B3GALT1: variants seen among roughly 807,000 people sequenced by gnomAD.
B3GALT1 encodes beta-1,3-galactosyltransferase 1.
Under a neutral mutation model 23.2 loss-of-function variants are expected in B3GALT1, and 10 were observed. That is an observed-to-expected ratio of 0.43 (90% CI 0.27 to 0.73). The LOEUF (loss-of-function observed/expected upper bound fraction) is 0.73. Among genes scored for constraint, B3GALT1 ranks in the 30% least tolerant of loss-of-function variants. B3GALT1 has a pLI of 0.21. For synonymous variants in B3GALT1, 156 were observed against 141.5 expected (o/e 1.10, Z -0.73); for missense variants, 299 against 405.4 (o/e 0.74, Z 2.25).
chr2:167,769,749 C>T (rs1688040444), intron 3 of B3GALT1, among the ~76,000 whole-genome samples: 1 of 152,104 alleles, frequency 6.6e-6, no homozygotes, highest in Admixed American at 6.5e-5. Context: ...TCATTAGCTC[C>T]TTTTTATTTC....
intron 1 of B3GALT1, among the ~76,000 whole-genome samples, chr2:167,326,085 CTGT>C (rs1559066261): frequency 2.2e-5 from 1 of 46,432 alleles, no homozygotes; most frequent in Non-Finnish European, 1.0e-4. Context: ...TCACCAATAT[CTGT>C]TTTTTTTTTT....
intron 4 of B3GALT1, among the ~76,000 whole-genome samples, chr2:167,866,859 T>C (rs1345980601): frequency 6.6e-6 from 1 of 152,220 alleles, no homozygotes; most frequent in East Asian, 1.9e-4. Context: ...TGCTTTCTAG[T>C]ACCATCTTGG....
chr2:167,397,215 C>CCT (rs907727531), intron 1 of B3GALT1, among the ~76,000 whole-genome samples: 13 of 150,982 alleles, frequency 8.6e-5, no homozygotes, highest in Non-Finnish European at 1.6e-4. Flanking sequence ...TTCATTCTTC[C>CCT]CTCTCTCTCC....
chr2:167,411,372 AAAAACC>A (rs1323042629), intron 1 of B3GALT1, among the ~76,000 whole-genome samples: 4 of 31,600 alleles, frequency 1.3e-4, no homozygotes, highest in African/African-American at 1.4e-4. Context: ...ATAGCAAACA[AAAAACC>A]AAAAAAAAAA....
chr2:167,676,516 T>TACACACACAC lies in B3GALT1; in HGVS notation c.-352+29580_-352+29589dup, dbSNP rs34764364. ...ACACATGCACACACGTGTATGTTTA[T>TACACACACAC]ACACACACACACACACACACACACA... On this transcript the variant is annotated intron_variant, in intron 3 of 4. Coordinates refer to ENST00000392690, the MANE Select transcript of B3GALT1 (RefSeq NM_020981.4). 8.7e-3 allele frequency among the ~76,000 whole-genome samples: 1,256 copies of TACACACACAC among 145,162 alleles called. 6 individuals carry two copies. The highest frequency in any genetic ancestry group is 0.013 in the Non-Finnish European group (863 of 66,356).
intron 1 of B3GALT1, among the ~76,000 whole-genome samples, chr2:167,339,711 T>G (rs1345397222): frequency 4.0e-5 from 6 of 151,820 alleles, no homozygotes; most frequent in African/African-American, 1.5e-4. Context: ...CAATATAAGC[T>G]TCCCATTTCG....
intron 2 of B3GALT1, among the ~76,000 whole-genome samples, chr2:167,539,156 C>T (rs919025985): frequency 1.3e-5 from 2 of 151,974 alleles, no homozygotes; most frequent in Admixed American, 6.6e-5. Context: ...TTTCCTTAAA[C>T]TCATATGAAT....
intron 2 of B3GALT1, among the ~76,000 whole-genome samples, chr2:167,537,565 C>T (rs1438163834): frequency 4.6e-5 from 7 of 152,234 alleles, no homozygotes; most frequent in South Asian, 2.1e-4. Flanking sequence ...CAATAATCCA[C>T]GTAGATGCTG....
chr2:167,649,943 C>T (rs1005855720), intron 3 of B3GALT1, among the ~76,000 whole-genome samples: 3 of 151,946 alleles, frequency 2.0e-5, no homozygotes, highest in Admixed American at 1.3e-4. Context: ...CTAGAATTTA[C>T]AATACAATGT....
At chr2:167,581,525 A>G (rs1040307525) in intron 2 of B3GALT1, among the ~76,000 whole-genome samples, 1 of 152,224 alleles carries the variant, frequency 6.6e-6, no homozygotes, top group African/African-American at 2.4e-5. Flanking sequence ...CTGTTGCTTT[A>G]AAACACTTCT....
intron 3 of B3GALT1, among the ~76,000 whole-genome samples, chr2:167,671,443 T>C (rs1021885424): frequency 2.0e-5 from 3 of 152,144 alleles, no homozygotes; most frequent in East Asian, 1.9e-4. Context: ...TTTAAGAAGA[T>C]TGAAATCATA....
chr2:167,525,023 G>A (rs1683197292), intron 2 of B3GALT1, among the ~76,000 whole-genome samples: 1 of 152,182 alleles, frequency 6.6e-6, no homozygotes, highest in Non-Finnish European at 1.5e-5. Flanking sequence ...ATGTGCACAT[G>A]CCATTTCCCA....
chr2:167,698,480 C>T (rs116078093), intron 3 of B3GALT1, among the ~76,000 whole-genome samples: 2,358 of 152,160 alleles, frequency 0.015, 51 homozygotes, highest in African/African-American at 0.052. Context: ...CAAATGATCA[C>T]GGCAATTCAA....
At chr2:167,774,472 G>GTTTTTTTTTTTTTTTTT (rs796649898) in intron 3 of B3GALT1, among the ~76,000 whole-genome samples, 1 of 111,932 alleles carries the variant, frequency 8.9e-6, no homozygotes, top group Non-Finnish European at 1.8e-5. Context: ...GTGTTTATTG[G>GTTTTTTTTTTTTTTTTT]TTTTTTTTTT....
intron 1 of B3GALT1, among the ~76,000 whole-genome samples, chr2:167,409,007 A>T (rs147792924): frequency 2.8e-3 from 426 of 152,306 alleles, no homozygotes; most frequent in African/African-American, 9.6e-3. Context: ...TATTTACAGA[A>T]ATAGAAAAAG....
intron 4 of B3GALT1, among the ~76,000 whole-genome samples, chr2:167,846,524 G>T (rs1181819755): frequency 6.6e-6 from 1 of 152,052 alleles, no homozygotes; most frequent in Non-Finnish European, 1.5e-5. Context: ...AGGAAAGATA[G>T]ATAGTCTTTT....
chr2:167,629,852 G>A (rs1026488011), intron 2 of B3GALT1, among the ~76,000 whole-genome samples: 1 of 151,668 alleles, frequency 6.6e-6, no homozygotes, highest in African/African-American at 2.4e-5. Context: ...CTGACCTTTT[G>A]TGGTGACACC....
intron 3 of B3GALT1, among the ~76,000 whole-genome samples, chr2:167,726,410 CAG>C (rs1687316700): frequency 6.6e-6 from 1 of 152,162 alleles, no homozygotes; most frequent in Non-Finnish European, 1.5e-5. Context: ...CTGCCCAAGA[CAG>C]AGACTGACTT....
At chr2:167,377,938 T>C (rs7594125) in intron 1 of B3GALT1, among the ~76,000 whole-genome samples, 15,491 of 152,186 alleles carry the variant, frequency 0.1, 962 homozygotes, top group African/African-American at 0.18. Context: ...TACTTATTTG[T>C]TTTTCATGGT....
Sources: allele counts gnomAD v4.1 joint callset (sites outside exome capture counted in the v4.1 genomes callset), GRCh38; gene constraint gnomAD v4.1.1; transcripts MANE v1.5; gene names NCBI Gene and HGNC (gene_info 2026-07-23, HGNC 2026-07-21).